Variants in KRT222 observed in about 807,000 individuals in gnomAD.
KRT222 encodes keratin-like protein KRT222.
Under a neutral mutation model 35.0 loss-of-function variants are expected in KRT222, and 23 were observed. The observed-to-expected ratio is 0.66, with a 90% CI of 0.47 to 0.93. The LOEUF is 0.93. Among genes scored for constraint, KRT222 ranks in the 40% least tolerant of loss-of-function variants. The pLI, the probability that KRT222 is intolerant of heterozygous loss-of-function variation, is 0.00. For missense variants in KRT222, 339 were observed against 346.3 expected (o/e 0.98, Z 0.17); for synonymous variants, 108 against 118.8 (o/e 0.91, Z 0.59).
intron 1 of KRT222, among the ~76,000 whole-genome samples, chr17:40,662,573 G>T (rs1042239669): frequency 1.2e-4 from 18 of 152,090 alleles, no homozygotes; most frequent in African/African-American, 3.6e-4. Context: ...AGGCAATAAG[G>T]CTCACAAATA....
intron 2 of KRT222, among the ~76,000 whole-genome samples, chr17:40,660,455 A>G (rs887153229): frequency 1.3e-5 from 2 of 151,714 alleles, no homozygotes; most frequent in Admixed American, 6.6e-5. Flanking sequence ...AATTTTTTGT[A>G]TCTTTAGTAG....
intron 1 of KRT222, among the ~76,000 whole-genome samples, chr17:40,664,398 AG>A (rs2037407022): frequency 6.6e-6 from 1 of 152,174 alleles, no homozygotes; most frequent in Non-Finnish European, 1.5e-5. Flanking sequence ...CTCATCTTAT[AG>A]TACAGAAGCA....
chr17:40,664,948 G>T, intron 1 of KRT222, 56 bp downstream of exon 1: 1 of 1,611,568 alleles, frequency 6.2e-7, no homozygotes. Flanking sequence ...CAGGAATTGG[G>T]TAGACATGGA....
chr17:40,663,846 A>T (rs1249100525), intron 1 of KRT222, among the ~76,000 whole-genome samples: 1 of 152,152 alleles, frequency 6.6e-6, no homozygotes, highest in Admixed American at 6.5e-5. Context: ...TATTTCTACT[A>T]CTGCAAAGTT....
rs371372477 is a variant in KRT222, at chr17:40,661,922, A to G, written c.219T>C (p.His73=). The G allele has an allele frequency of 3.4e-5, 55 of 1,614,108 alleles. No individual in the cohort carries two copies. Among genetic ancestry groups the G allele is most frequent in the Non-Finnish European group, 4.6e-5 (54 of 1,179,990 alleles). The change falls in exon 2 of 6, where the codon CAT becomes CAC. Residue 73 remains histidine (H), a synonymous_variant. Transcript: ENST00000394052. Reference sequence around the variant, plus strand: ...CTTTTGGGATCATTCTCACCACAGCATGGAGAGATTCAATTTCCACTTGCA... The same window carrying G: ...CTTTTGGGATCATTCTCACCACAGCGTGGAGAGATTCAATTTCCACTTGCA... ...HHLQVEIESL[H]AVERGLENSL...
At position 40,656,190 on chromosome 17, in the gene KRT222, C is replaced by T. The variant is rs2037342302; in HGVS notation, c.*212G>A. 1 of 418,746 alleles carries T rather than the reference C, an allele frequency of 2.4e-6. No individual in the cohort carries two copies. Among genetic ancestry groups the T allele is most frequent in the Non-Finnish European group, 4.2e-6 (1 of 238,784 alleles). The allele number at this position is 418,746 out of a possible 1,614,324, so 25.9% of individuals were successfully genotyped here. ...TTGTGATTTTATTTTTAAGCTACTC[C>T]CTCTCATTCATATATATATATATAT... On this transcript the variant is annotated 3_prime_UTR_variant, in exon 6 of 6. Transcript: ENST00000394052.
intron 1 of KRT222, 43 bp downstream of exon 1, chr17:40,664,961 G>A (rs1348736421): frequency 3.7e-6 from 6 of 1,612,880 alleles, no homozygotes; most frequent in Non-Finnish European, 5.1e-6. Flanking sequence ...GACATGGACT[G>A]TCTCCTTATT....
intron 1 of KRT222, among the ~76,000 whole-genome samples, chr17:40,664,039 A>G (rs997461906): frequency 6.6e-6 from 1 of 152,186 alleles, no homozygotes; most frequent in African/African-American, 2.4e-5. Context: ...GGAACTAAAA[A>G]TGAGTGGCTA....
chr17:40,662,274 C>T (rs1279702659), intron 1 of KRT222, among the ~76,000 whole-genome samples: 1 of 152,126 alleles, frequency 6.6e-6, no homozygotes, highest in Non-Finnish European at 1.5e-5. Context: ...AAATCCCTTC[C>T]AACTATGACA....
rs777929994 is a variant in KRT222, at chr17:40,656,604, TTAA to T, written c.683_685del (p.Ile228del). On this transcript the variant is annotated inframe_deletion, in exon 6 of 6. Transcript: ENST00000394052. ...TTTAAAGAAAGAACCTTCCCATTCTTTAATAACTTCATCCACTTTCTCTGTCCT... is the reference window on the plus strand; with the variant it reads ...TTTAAAGAAAGAACCTTCCCATTCTTTAACTTCATCCACTTTCTCTGTCCT... 9 of 1,609,008 alleles carry T rather than the reference TTAA, an allele frequency of 5.6e-6. No homozygotes were observed. Among genetic ancestry groups the T allele is most frequent in the Non-Finnish European group, 7.7e-6 (9 of 1,175,424 alleles).
chr17:40,662,042 T>C lies in KRT222; in HGVS notation c.99A>G (p.Leu33=), dbSNP rs778826649. The C allele has an allele frequency of 6.2e-7, 1 of 1,612,896 alleles. No individual in the cohort carries two copies. The highest frequency in any genetic ancestry group is 1.1e-5 in the South Asian group (1 of 90,654). Reference sequence around the variant, plus strand: ...CCATTTTTTTGCTTATGTCTTCTTCTAGCTAACAAGAAAGCCAACAGCAAC... The same window carrying C: ...CCATTTTTTTGCTTATGTCTTCTTCCAGCTAACAAGAAAGCCAACAGCAAC... The part of the protein sequence containing the change: ...IETVLSTRIQ[L]EEDISKKMDK... Residue 33 remains leucine (L), a splice_region_variant and synonymous_variant, in exon 2 of 6, where the codon CTA becomes CTG. Transcript: ENST00000394052.
In KRT222 at chr17:40,656,351, C is replaced by T; in HGVS notation, c.*51G>A. The stretch of plus-strand genomic sequence containing the variant: ...TGGGACAGAGGGAGTTGGTATGGCC[C>T]ACCTTGGTCCATCCTAACATTTTCC... On this transcript the variant is annotated 3_prime_UTR_variant, in exon 6 of 6. Transcript: ENST00000394052. 1.4e-6 allele frequency: 2 copies of T among 1,381,068 alleles called. No individual in the cohort carries two copies. Among genetic ancestry groups the T allele is most frequent in the Non-Finnish European group, 2.1e-6 (2 of 970,460 alleles). 85.6% of individuals were successfully genotyped at this position (1,381,068 alleles called of 1,614,324 possible).
At chr17:40,661,316 G>A (rs912740449) in intron 2 of KRT222, among the ~76,000 whole-genome samples, 21 of 151,508 alleles carry the variant, frequency 1.4e-4, no homozygotes, top group Non-Finnish European at 8.8e-5. Context: ...ACCCAGGCTG[G>A]AGTGCAGTGG....
intron 3 of KRT222, among the ~76,000 whole-genome samples, chr17:40,659,195 G>A (rs1156428057): frequency 6.9e-6 from 1 of 144,714 alleles, no homozygotes; most frequent in Non-Finnish European, 1.5e-5. Flanking sequence ...TCACTCTGTC[G>A]CCTGGGCTGG....
rs750005281 is a variant in KRT222 at position 40,657,387 on chromosome 17, G to A, written c.624C>T (p.Ile208=). 5.6e-5 allele frequency: 90 copies of A among 1,609,926 alleles called. No homozygotes were observed. The highest frequency in any genetic ancestry group is 7.3e-5 in the Non-Finnish European group (86 of 1,178,358). Residue 208 remains isoleucine (I), a synonymous_variant, in exon 5 of 6, where the codon ATC becomes ATT. Coordinates refer to ENST00000394052, the MANE Select transcript of KRT222 (RefSeq NM_152349.3). ...VTKQAILNGS[I]VKESTEAHGT... The stretch of plus-strand genomic sequence containing the variant: ...CATGAGCTTCAGTGCTCTCCTTAAC[G>A]ATACTCCCATTTAAGATTGCCTGTT...
rs2037342362 is a variant in KRT222 at position 40,656,199 on chromosome 17, C to G, written c.*203G>C. ...TATTTTTAAGCTACTCCCTCTCATT[C>G]ATATATATATATATATGTCTATCTC... On this transcript the variant is annotated 3_prime_UTR_variant, in exon 6 of 6. Coordinates refer to ENST00000394052, the MANE Select transcript of KRT222 (RefSeq NM_152349.3). 1 of 364,928 alleles carries G rather than the reference C, an allele frequency of 2.7e-6. No individual in the cohort carries two copies. Among genetic ancestry groups the G allele is most frequent in the Non-Finnish European group, 4.9e-6 (1 of 203,154 alleles). 22.6% of individuals were successfully genotyped at this position (364,928 alleles called of 1,614,324 possible). A position where few individuals can be genotyped will look rare whatever the true frequency, so the allele number is the denominator to read the frequency against.
At chr17:40,664,924 C>T (rs756949130) in intron 1 of KRT222, 80 bp downstream of exon 1, 2 of 1,603,892 alleles carry the variant, frequency 1.2e-6, no homozygotes, top group African/African-American at 2.7e-5. Flanking sequence ...TACTGTACCT[C>T]AGAGAGGCCG....
intron 2 of KRT222, among the ~76,000 whole-genome samples, chr17:40,660,968 A>G (rs1398447381): frequency 6.6e-6 from 1 of 152,212 alleles, no homozygotes; most frequent in Non-Finnish European, 1.5e-5. Context: ...TTTGTTTGAG[A>G]CAGTCTCGCT....
Position 40,657,304 on chromosome 17 carries a change from C to A in KRT222, c.659+48G>T, listed in dbSNP as rs1178458787. Reference sequence around the variant, plus strand: ...TACTGGGATTACGCAAAGTTAATTTCTTTACATATATTTATTATTATTTCT... The same window carrying A: ...TACTGGGATTACGCAAAGTTAATTTATTTACATATATTTATTATTATTTCT... On this transcript the variant is annotated intron_variant, in intron 5 of 5. Transcript: ENST00000394052. 3 of 1,293,260 alleles carry A rather than the reference C, an allele frequency of 2.3e-6. No individual in the cohort carries two copies. In the African/African-American group the frequency reaches 4.6e-5, roughly 20 times the overall value. The allele number at this position is 1,293,260 out of a possible 1,614,324, so 80.1% of individuals were successfully genotyped here. A position where few individuals can be genotyped will look rare whatever the true frequency, so the allele number is the denominator to read the frequency against.
Sources: allele counts gnomAD v4.1 joint callset (sites outside exome capture counted in the v4.1 genomes callset), GRCh38; gene constraint gnomAD v4.1.1; transcripts MANE v1.5; gene names NCBI Gene and HGNC (gene_info 2026-07-23, HGNC 2026-07-21).